Variants in PTPRQ observed in about 807,000 individuals in gnomAD.
PTPRQ encodes protein tyrosine phosphatase receptor type Q.
PTPRQ carries 199 observed loss-of-function variants against 246.0 expected under a neutral mutation model. The observed-to-expected ratio is 0.81, with a 90% confidence interval of 0.72 to 0.91. The LOEUF is 0.91. Among genes scored for constraint, PTPRQ ranks in the 40% least tolerant of loss-of-function variants. PTPRQ has a pLI of 0.00. For missense variants in PTPRQ, 2,624 were observed against 2,528.4 expected, an observed-to-expected ratio of 1.04 and a Z score of -0.81; for synonymous variants, 869 against 853.2, an observed-to-expected ratio of 1.02 and a Z score of -0.32.
chr12:80,640,864 A>G (rs1899830435), intron 35 of PTPRQ, among the ~76,000 whole-genome samples: 1 of 152,176 alleles, frequency 6.6e-6, no homozygotes, highest in Non-Finnish European at 1.5e-5. Context: ...TGTCCTGAGA[A>G]TTTGCTGTGT....
At chr12:80,652,028 C>T (rs1319465185) in intron 37 of PTPRQ, among the ~76,000 whole-genome samples, 1 of 152,050 alleles carries the variant, frequency 6.6e-6, no homozygotes, top group East Asian at 1.9e-4. Flanking sequence ...TGGAATTTGG[C>T]AAGTTGAGAT....
At chr12:80,579,574 AG>A (rs1272211488) in intron 25 of PTPRQ, among the ~76,000 whole-genome samples, 1 of 152,154 alleles carries the variant, frequency 6.6e-6, no homozygotes, top group Non-Finnish European at 1.5e-5. Context: ...ATGTATGAAA[AG>A]GTTCTTATAC....
intron 25 of PTPRQ, among the ~76,000 whole-genome samples, chr12:80,573,993 A>G (rs1337148277): frequency 6.6e-6 from 1 of 152,206 alleles, no homozygotes; most frequent in Non-Finnish European, 1.5e-5. Context: ...TGAGAAGGAA[A>G]TGATAAAATA....
At chr12:80,625,924 A>C (rs1023587601) in intron 33 of PTPRQ, among the ~76,000 whole-genome samples, 20 of 152,178 alleles carry the variant, frequency 1.3e-4, no homozygotes, top group Non-Finnish European at 2.5e-4. Flanking sequence ...TTTTGATTAC[A>C]AGGTTTAATT....
At chr12:80,579,944 C>T (rs1379324691) in intron 25 of PTPRQ, among the ~76,000 whole-genome samples, 2 of 152,004 alleles carry the variant, frequency 1.3e-5, no homozygotes, top group Non-Finnish European at 2.9e-5. Context: ...AAAGAGAGTA[C>T]ATCTGTTCCT....
chr12:80,631,394 G>A (rs867276300), intron 33 of PTPRQ, among the ~76,000 whole-genome samples: 1 of 152,004 alleles, frequency 6.6e-6, no homozygotes, highest in Non-Finnish European at 1.5e-5. Flanking sequence ...TTTGTTATTT[G>A]TATTTCTTTT....
chr12:80,545,595 A>G (rs1198544711), intron 23 of PTPRQ, among the ~76,000 whole-genome samples: 1 of 151,730 alleles, frequency 6.6e-6, no homozygotes, highest in Non-Finnish European at 1.5e-5. Flanking sequence ...ATTTTTTTCT[A>G]TGAGAAAGCG....
chr12:80,514,166 G>A (rs114916760), intron 17 of PTPRQ, among the ~76,000 whole-genome samples: 11 of 151,920 alleles, frequency 7.2e-5, no homozygotes, highest in African/African-American at 2.4e-4. Flanking sequence ...TTTTTTCGTA[G>A]TGCAAAATTT....
intron 25 of PTPRQ, among the ~76,000 whole-genome samples, chr12:80,582,847 C>T (rs1897488147): frequency 6.6e-6 from 1 of 152,000 alleles, no homozygotes; most frequent in Admixed American, 6.6e-5. Context: ...AGAGTGAGAC[C>T]TTGTCAAAAC....
intron 26 of PTPRQ, among the ~76,000 whole-genome samples, chr12:80,590,920 C>G (rs1897777935): frequency 6.6e-6 from 1 of 151,862 alleles, no homozygotes; most frequent in Non-Finnish European, 1.5e-5. Flanking sequence ...GAATGTTCTT[C>G]CACCTCCTTC....
At chr12:80,652,383 A>G (rs1187620639) in intron 37 of PTPRQ, among the ~76,000 whole-genome samples, 1 of 152,124 alleles carries the variant, frequency 6.6e-6, no homozygotes, top group African/African-American at 2.4e-5. Context: ...TAAATCATTG[A>G]AATCCCTTTT....
chr12:80,619,497 C>A lies in PTPRQ; in HGVS notation c.5344C>A (p.His1782Asn). Residue 1782 changes from histidine to asparagine, a missense_variant, in exon 31 of 45, where the codon CAT becomes AAT. By Grantham distance (68) the His-to-Asn change is moderately conservative. Transcript: ENST00000644991. ...GCCAATATGTTACTACAGTGATGAT[C>A]ATGGACCAATAAAAAATGTACAAGT... ...RMPICYYSDD[H>N]GPIKNVQVLV... 1 of 1,542,596 alleles carries A rather than the reference C, an allele frequency of 6.5e-7. No homozygotes were observed. Among genetic ancestry groups the A allele is most frequent in the Non-Finnish European group, 8.8e-7 (1 of 1,141,848 alleles).
At chr12:80,459,618 A>G (rs11114454) in intron 5 of PTPRQ, 135 bp downstream of exon 5, 75,592 of 394,746 alleles carry the variant, frequency 0.19, 8,088 homozygotes, top group Non-Finnish European at 0.23. Context: ...CATGTTATAC[A>G]CAACGTTTTA....
chr12:80,576,334 G>A (rs1897278680), intron 25 of PTPRQ, among the ~76,000 whole-genome samples: 2 of 151,910 alleles, frequency 1.3e-5, no homozygotes, highest in Non-Finnish European at 1.5e-5. Context: ...TAAAGATGGG[G>A]TTTCACCATG....
chr12:80,531,947 C>A (rs1294862204), intron 17 of PTPRQ, among the ~76,000 whole-genome samples: 1 of 151,914 alleles, frequency 6.6e-6, no homozygotes. Context: ...CTTCTTTTTA[C>A]TAAAATATCT....
chr12:80,541,826 C>T lies in PTPRQ; in HGVS notation c.3426C>T (p.Tyr1142=). The change falls in exon 21 of 45, where the codon TAC becomes TAT. Residue 1142 remains tyrosine, a synonymous_variant. Transcript: ENST00000644991. ...GFSDTYTAQL[Y]IKTEEDVPET... Reference sequence around the variant, plus strand: ...CTGATACCTATACTGCCCAGCTATACATCAAGACTGAAGAAGATGGTAGGC... The same window carrying T: ...CTGATACCTATACTGCCCAGCTATATATCAAGACTGAAGAAGATGGTAGGC... The T allele has an allele frequency of 1.9e-6, 3 of 1,544,374 alleles. No homozygotes were observed. Among genetic ancestry groups the T allele is most frequent in the Non-Finnish European group, 2.6e-6 (3 of 1,144,256 alleles).
chr12:80,523,808 G>A (rs1403505245), intron 17 of PTPRQ, among the ~76,000 whole-genome samples: 1 of 152,196 alleles, frequency 6.6e-6, no homozygotes, highest in African/African-American at 2.4e-5. Flanking sequence ...TTTGGAATAG[G>A]TGTGGTGTTG....
intron 17 of PTPRQ, among the ~76,000 whole-genome samples, chr12:80,514,293 G>T (rs4326866): frequency 6.7e-6 from 1 of 150,252 alleles, no homozygotes; most frequent in African/African-American, 2.5e-5. Context: ...CTCTGTGGTC[G>T]CAAATAATCC....
At chr12:80,488,983 A>T (rs1479014531) in intron 9 of PTPRQ, among the ~76,000 whole-genome samples, 1 of 152,032 alleles carries the variant, frequency 6.6e-6, no homozygotes, top group Non-Finnish European at 1.5e-5. Context: ...AGGTGAATCC[A>T]GCCTCTGCTA....
Sources: allele counts gnomAD v4.1 joint callset (sites outside exome capture counted in the v4.1 genomes callset), GRCh38; gene constraint gnomAD v4.1.1; transcripts MANE v1.5; gene names NCBI Gene and HGNC (gene_info 2026-07-23, HGNC 2026-07-21).